Variants in SYT9 observed in about 807,000 individuals in gnomAD.
SYT9 encodes the protein synaptotagmin-9.
SYT9 carries 22 observed loss-of-function variants against 48.4 expected under a neutral mutation model. The ratio of observed to expected loss-of-function variants is 0.45; its 90% CI spans 0.32 to 0.65. SYT9 has a LOEUF of 0.65. Among genes scored for constraint, SYT9 ranks in the 30% least tolerant of loss-of-function variants. The probability of loss-of-function intolerance (pLI) is 0.03; values close to 1 mark genes in which losing one functional copy is unlikely to be tolerated. For synonymous variants in SYT9, 265 were observed against 245.0 expected (o/e 1.08, Z -0.76); for missense variants, 577 against 622.0 (o/e 0.93, Z 0.77).
chr11:7,326,722 G>A (rs1320171442), intron 3 of SYT9, among the ~76,000 whole-genome samples: 28 of 122,982 alleles, frequency 2.3e-4, no homozygotes, highest in Non-Finnish European at 4.5e-4. Flanking sequence ...CCAAAACAGA[G>A]ATATAGATCA....
chr11:7,417,876 A>G (rs1847281128), intron 4 of SYT9, 81 bp from the exon 5 acceptor site: 1 of 1,467,282 alleles, frequency 6.8e-7, no homozygotes, highest in African/African-American at 1.4e-5. Flanking sequence ...ACCATAGTCC[A>G]TGAAAACTCA....
intron 1 of SYT9, among the ~76,000 whole-genome samples, chr11:7,243,477 G>T (rs904427011): frequency 1.3e-5 from 2 of 152,114 alleles, no homozygotes; most frequent in Admixed American, 1.3e-4. Flanking sequence ...TCCCCCTTCT[G>T]CCTCCTCCTC....
chr11:7,267,405 A>G (rs1428451356), intron 1 of SYT9, among the ~76,000 whole-genome samples: 1 of 151,918 alleles, frequency 6.6e-6, no homozygotes, highest in Non-Finnish European at 1.5e-5. Context: ...TAAAAATCGC[A>G]TGGGCCACAT....
intron 6 of SYT9, among the ~76,000 whole-genome samples, chr11:7,424,957 C>A (rs781563405): frequency 2.6e-5 from 4 of 152,156 alleles, no homozygotes; most frequent in Non-Finnish European, 4.4e-5. Context: ...ATAAACAGAG[C>A]CCTCATTTAT....
At chr11:7,418,558 A>G (rs1847293838) in intron 5 of SYT9, among the ~76,000 whole-genome samples, 1 of 152,244 alleles carries the variant, frequency 6.6e-6, no homozygotes, top group South Asian at 2.1e-4. Flanking sequence ...ACATTTCCAA[A>G]TACATAACTT....
At chr11:7,310,940 A>G (rs1413464371) in intron 2 of SYT9, among the ~76,000 whole-genome samples, 2 of 152,224 alleles carry the variant, frequency 1.3e-5, no homozygotes, top group South Asian at 2.1e-4. Context: ...CATGTCTAAG[A>G]AAATGTACAT....
At position 7,416,043 on chromosome 11, in the gene SYT9, A is replaced by G; in HGVS notation, c.1046A>G (p.Asp349Gly). 1 of 1,614,158 alleles carries G rather than the reference A, an allele frequency of 6.2e-7. No homozygotes were observed. The highest frequency in any genetic ancestry group is 8.5e-7 in the Non-Finnish European group (1 of 1,180,002). The part of the protein sequence containing the change: ...LWKDIEYVTN[D>G]NVDLGELMFS... ...CTTTAGTTTGTGCTTTCTCAACAGG[A>G]CAACGTGGATCTGGGAGAGCTGATG... Residue 349 changes from aspartate (D) to glycine (G), a missense_variant and splice_region_variant, in exon 4 of 7, where the codon GAC (aspartate) becomes GGC (glycine). Transcript: ENST00000318881.
At chr11:7,348,127 T>C (rs960114093) in intron 3 of SYT9, among the ~76,000 whole-genome samples, 4 of 152,224 alleles carry the variant, frequency 2.6e-5, no homozygotes, top group Admixed American at 6.5e-5. Flanking sequence ...CATCAGGTCA[T>C]GCAATGTTTA....
At chr11:7,358,702 T>A (rs1227298592) in intron 3 of SYT9, among the ~76,000 whole-genome samples, 1 of 152,240 alleles carries the variant, frequency 6.6e-6, no homozygotes, top group African/African-American at 2.4e-5. Flanking sequence ...TGTTTTACAT[T>A]TTCCATTTCC....
chr11:7,257,403 A>G (rs1160797109), intron 1 of SYT9, among the ~76,000 whole-genome samples: 1 of 152,172 alleles, frequency 6.6e-6, no homozygotes, highest in Non-Finnish European at 1.5e-5. Flanking sequence ...AAATCAAGAA[A>G]AATCTTGTCT....
intron 1 of SYT9, among the ~76,000 whole-genome samples, chr11:7,268,483 A>G (rs1038161307): frequency 1.8e-4 from 27 of 151,986 alleles, no homozygotes; most frequent in African/African-American, 6.3e-4. Context: ...TTAAGCATAT[A>G]AATATATTGT....
intron 1 of SYT9, among the ~76,000 whole-genome samples, chr11:7,298,685 C>T (rs1327856572): frequency 4.6e-5 from 7 of 151,860 alleles, no homozygotes. Flanking sequence ...CAGGAATCCT[C>T]TAGTATTACA....
intron 3 of SYT9, among the ~76,000 whole-genome samples, chr11:7,334,178 G>A (rs1270647404): frequency 6.6e-6 from 1 of 152,158 alleles, no homozygotes; most frequent in African/African-American, 2.4e-5. Flanking sequence ...AGTGCAGGGT[G>A]GTTAAAGATA....
rs150914474 is a variant in SYT9, at chr11:7,419,649, C to G, written c.1338-857C>G. Among the ~76,000 whole-genome samples, 1,072 of 152,268 alleles carry G rather than the reference C, an allele frequency of 7.0e-3. 15 individuals are homozygous for G. Among genetic ancestry groups the G allele is most frequent in the African/African-American group, 0.025 (1,018 of 41,542 alleles). On this transcript the variant is annotated intron_variant, in intron 5 of 6. Coordinates refer to ENST00000318881, the MANE Select transcript of SYT9 (RefSeq NM_175733.4). The stretch of plus-strand genomic sequence containing the variant: ...TGGTATCTCACACCTGTAATCCCAG[C>G]ACTTTGGGAGGCTGAGGCAGGTGGA...
chr11:7,463,723 G>A (rs76951026), intron 6 of SYT9, among the ~76,000 whole-genome samples: 9,099 of 152,186 alleles, frequency 0.06, 312 homozygotes, highest in African/African-American at 0.091. Context: ...CCTTAGTGGC[G>A]CTGTCCAGAA....
intron 3 of SYT9, among the ~76,000 whole-genome samples, chr11:7,391,832 C>G (rs891803818): frequency 1.4e-5 from 2 of 146,942 alleles, no homozygotes; most frequent in Non-Finnish European, 3.0e-5. Context: ...GGGAGGATCA[C>G]TTGAGCCCAG....
intron 3 of SYT9, among the ~76,000 whole-genome samples, chr11:7,395,265 CAT>C (rs140686931): frequency 0.023 from 3,562 of 152,178 alleles, 96 homozygotes; most frequent in African/African-American, 0.06. Context: ...TATGGCCAAA[CAT>C]GTGGTCAATT....
chr11:7,406,601 G>A (rs893561397), intron 3 of SYT9, among the ~76,000 whole-genome samples: 1 of 147,528 alleles, frequency 6.8e-6, no homozygotes, highest in African/African-American at 2.5e-5. Context: ...TCCGTCGATG[G>A]ACACTTAGAT....
chr11:7,437,681 C>T (rs1206398596), intron 6 of SYT9: 2 of 152,066 alleles, frequency 1.3e-5, no homozygotes, highest in African/African-American at 2.4e-5. Context: ...ATATTTTCAC[C>T]GGAAATTAAT....
Sources: gnomAD v4.1 joint callset for allele counts (sites outside exome capture counted in the v4.1 genomes callset) on GRCh38, gnomAD v4.1.1 for gene constraint, MANE v1.5 for transcripts, NCBI Gene and HGNC (gene_info 2026-07-23, HGNC 2026-07-21) for gene names.